PMEPA1: variants seen among roughly 807,000 people sequenced by gnomAD.
PMEPA1 encodes prostate transmembrane protein, androgen induced 1, also known as protein TMEPAI.
Under a neutral mutation model 23.0 loss-of-function variants are expected in PMEPA1, and 11 were observed. The observed-to-expected ratio is 0.48, with a 90% CI of 0.30 to 0.79. The LOEUF (loss-of-function observed/expected upper bound fraction) is 0.79, where lower values mean the gene tolerates loss of function less well. Ranked by LOEUF, PMEPA1 falls within the 30% of genes least tolerant of loss-of-function variation. The pLI is 0.06. For missense variants in PMEPA1, 377 were observed against 390.9 expected, an observed-to-expected ratio of 0.96 and a Z score of 0.30; for synonymous variants, 204 against 166.4, an observed-to-expected ratio of 1.23 and a Z score of -1.74.
intron 1 of PMEPA1, among the ~76,000 whole-genome samples, chr20:57,706,489 T>A (rs549698083): frequency 4.3e-4 from 65 of 152,266 alleles, no homozygotes; most frequent in Middle Eastern, 3.4e-3. Flanking sequence ...CCCACGGGTA[T>A]GTTTTGGGAA....
intron 1 of PMEPA1, among the ~76,000 whole-genome samples, chr20:57,681,006 G>C (rs1244180601): frequency 1.3e-5 from 2 of 152,184 alleles, no homozygotes; most frequent in African/African-American, 4.8e-5. Flanking sequence ...GGAAGGGAGG[G>C]AAGGAGTTCT....
At chr20:57,673,907 C>T (rs2071602171) in intron 1 of PMEPA1, among the ~76,000 whole-genome samples, 1 of 152,206 alleles carries the variant, frequency 6.6e-6, no homozygotes, top group Non-Finnish European at 1.5e-5. Context: ...CCTTCAGACC[C>T]CAAGAGCAAA....
At chr20:57,660,890 A>G (rs1303418179) in intron 1 of PMEPA1, among the ~76,000 whole-genome samples, 1 of 151,954 alleles carries the variant, frequency 6.6e-6, no homozygotes, top group Non-Finnish European at 1.5e-5. Context: ...CCCAACACAC[A>G]CCCCTCAACA....
Position 57,709,883 on chromosome 20 carries a change from G to T in PMEPA1, c.-301C>A. On this transcript the variant is annotated 5_prime_UTR_variant, in exon 1 of 4. Transcript: ENST00000341744. ...GGGCGCGCGCTGCCGCCGGGGCTGA[G>T]CCTCTGCCGCTAGCTTTCCCCAGCC... The T allele has an allele frequency of 1.0e-6, 1 of 1,003,360 alleles. No homozygotes were observed. The highest frequency in any genetic ancestry group is 1.2e-6 in the Non-Finnish European group (1 of 844,876). 62.2% of individuals were successfully genotyped at this position (1,003,360 alleles called of 1,614,324 possible). A position where few individuals can be genotyped will look rare whatever the true frequency, so the allele number is the denominator to read the frequency against.
chr20:57,660,766 C>T (rs935627838), intron 1 of PMEPA1, among the ~76,000 whole-genome samples: 3 of 151,174 alleles, frequency 2.0e-5, no homozygotes, highest in African/African-American at 7.3e-5. Context: ...CACTCCTCCA[C>T]ACACAACACC....
At chr20:57,665,812 C>A (rs2071484530) in intron 1 of PMEPA1, among the ~76,000 whole-genome samples, 1 of 152,200 alleles carries the variant, frequency 6.6e-6, no homozygotes, top group South Asian at 2.1e-4. Flanking sequence ...CAAGGCCCCT[C>A]AGGGGCTAAC....
intron 1 of PMEPA1, among the ~76,000 whole-genome samples, chr20:57,703,999 T>C (rs534144162): frequency 6.6e-6 from 1 of 152,154 alleles, no homozygotes; most frequent in Non-Finnish European, 1.5e-5. Flanking sequence ...GACGCCTCCA[T>C]CCCTCTGGCC....
chr20:57,671,359 G>A (rs1320686125), intron 1 of PMEPA1, among the ~76,000 whole-genome samples: 1 of 152,162 alleles, frequency 6.6e-6, no homozygotes, highest in African/African-American at 2.4e-5. Flanking sequence ...GGGAACGGGT[G>A]GGCGTGGGTG....
In PMEPA1 at chr20:57,692,035, C is replaced by T. The variant is rs932552827; in HGVS notation, c.109+17439G>A. 3.3e-5 allele frequency among the ~76,000 whole-genome samples: 5 copies of T among 152,312 alleles called. No individual in the cohort carries two copies. The East Asian group carries it at 7.7e-4, about 24-fold the overall frequency. ...CCCATCACCCTCTTCTCCCTTTTCACGGGTAGGTCCCGGGGCTTACGGAGC... is the reference window on the plus strand; with the variant it reads ...CCCATCACCCTCTTCTCCCTTTTCATGGGTAGGTCCCGGGGCTTACGGAGC... On this transcript the variant is annotated intron_variant, in intron 1 of 3. Transcript: ENST00000341744.
chr20:57,699,136 C>T (rs940965948), intron 1 of PMEPA1, among the ~76,000 whole-genome samples: 2 of 152,236 alleles, frequency 1.3e-5, no homozygotes, highest in East Asian at 3.8e-4. Context: ...ATCTTGTTGT[C>T]TGGGCATCTG....
intron 1 of PMEPA1, among the ~76,000 whole-genome samples, chr20:57,674,157 G>C (rs918897816): frequency 6.6e-6 from 1 of 152,172 alleles, no homozygotes; most frequent in Non-Finnish European, 1.5e-5. Context: ...ATGTAAAGAC[G>C]GAGCCTCTAG....
intron 1 of PMEPA1, among the ~76,000 whole-genome samples, chr20:57,706,573 A>G (rs1255250617): frequency 6.6e-6 from 1 of 152,112 alleles, no homozygotes; most frequent in African/African-American, 2.4e-5. Context: ...GTGTCCTGTT[A>G]CAGTCAAGCC....
chr20:57,701,277 G>A (rs1358875147), intron 1 of PMEPA1, among the ~76,000 whole-genome samples: 1 of 152,132 alleles, frequency 6.6e-6, no homozygotes, highest in South Asian at 2.1e-4. Context: ...GCTCGGTCCA[G>A]CATATGGCAT....
intron 1 of PMEPA1, among the ~76,000 whole-genome samples, chr20:57,672,194 C>T (rs530540315): frequency 4.4e-4 from 67 of 152,412 alleles, no homozygotes; most frequent in African/African-American, 1.5e-3. Context: ...GAAAGACTCT[C>T]GCACGCGCAC....
chr20:57,664,970 G>A (rs2071472953), intron 1 of PMEPA1, among the ~76,000 whole-genome samples: 1 of 152,188 alleles, frequency 6.6e-6, no homozygotes, highest in Non-Finnish European at 1.5e-5. Context: ...ACCAAGGCAT[G>A]GACAAAGACA....
intron 1 of PMEPA1, among the ~76,000 whole-genome samples, chr20:57,697,799 C>G (rs1280992833): frequency 6.6e-6 from 1 of 152,200 alleles, no homozygotes; most frequent in Non-Finnish European, 1.5e-5. Flanking sequence ...TCTGATTACC[C>G]TCTAGACGGG....
intron 1 of PMEPA1, among the ~76,000 whole-genome samples, chr20:57,697,452 T>C (rs1385626273): frequency 6.6e-6 from 1 of 152,214 alleles, no homozygotes; most frequent in Admixed American, 6.5e-5. Context: ...TGGAAGTCAC[T>C]AGGCAGCTCA....
At chr20:57,688,507 C>T (rs1212346639) in intron 1 of PMEPA1, among the ~76,000 whole-genome samples, 1 of 152,090 alleles carries the variant, frequency 6.6e-6, no homozygotes, top group Non-Finnish European at 1.5e-5. Context: ...GTTGAGAACC[C>T]CAGAGTTAGA....
intron 1 of PMEPA1, among the ~76,000 whole-genome samples, chr20:57,684,922 G>A (rs1310024185): frequency 1.3e-5 from 2 of 152,014 alleles, no homozygotes; most frequent in Non-Finnish European, 2.9e-5. Flanking sequence ...TTCCTTTTTC[G>A]ATGATGGTAT....
Sources: gnomAD v4.1 joint callset for allele counts (sites outside exome capture counted in the v4.1 genomes callset) on GRCh38, gnomAD v4.1.1 for gene constraint, MANE v1.5 for transcripts, NCBI Gene and HGNC (gene_info 2026-07-23, HGNC 2026-07-21) for gene names.